Variants in FGF12 observed in about 807,000 individuals in gnomAD.
FGF12 encodes the protein fibroblast growth factor 12.
FGF12 carries 14 observed loss-of-function variants against 23.6 expected under a neutral mutation model. The observed-to-expected ratio is 0.59, with a 90% CI of 0.39 to 0.93. The LOEUF is 0.93. FGF12 is among the 40% of genes least tolerant of loss of function. FGF12 has a pLI of 0.00. For missense variants in FGF12, 175 were observed against 217.8 expected, an observed-to-expected ratio of 0.80 and a Z score of 1.24; for synonymous variants, 62 against 77.3, an observed-to-expected ratio of 0.80 and a Z score of 1.04.
At chr3:192,378,040 T>C (rs775307095) in intron 2 of FGF12, among the ~76,000 whole-genome samples, 2,896 of 77,192 alleles carry the variant, frequency 0.038, 220 homozygotes, top group South Asian at 0.1. Flanking sequence ...CTTTCTTTCT[T>C]TCTTTCTTTC....
intron 4 of FGF12, among the ~76,000 whole-genome samples, chr3:192,268,370 G>C (rs949563000): frequency 6.6e-6 from 1 of 152,158 alleles, no homozygotes; most frequent in Admixed American, 6.6e-5. Flanking sequence ...TGGAATAAGA[G>C]GTCATGTGGG....
chr3:192,176,866 A>C (rs1715890372), intron 4 of FGF12, among the ~76,000 whole-genome samples: 1 of 152,220 alleles, frequency 6.6e-6, no homozygotes, highest in Non-Finnish European at 1.5e-5. Flanking sequence ...ATTCAAGAAA[A>C]AATATTTTCC....
At chr3:192,655,743 A>C (rs566107903) in intron 2 of FGF12, among the ~76,000 whole-genome samples, 2 of 152,248 alleles carry the variant, frequency 1.3e-5, no homozygotes, top group Non-Finnish European at 2.9e-5. Flanking sequence ...TATGGCCTAG[A>C]AGAAGAAGAT....
At position 192,299,746 on chromosome 3, in the gene FGF12, G is replaced by C. The variant is rs573799147; in HGVS notation, c.228+35615C>G. On this transcript the variant is annotated intron_variant, in intron 4 of 5. Coordinates refer to ENST00000445105, the MANE Select transcript of FGF12 (RefSeq NM_004113.6). The stretch of plus-strand genomic sequence containing the variant: ...AGTTTACAATTTGAAGGGAGGACGA[G>C]TGACTCCAGACTATGAGGAGAACGA... 1.8e-4 allele frequency among the ~76,000 whole-genome samples: 28 copies of C among 152,238 alleles called. No individual in the cohort carries two copies. In the East Asian group the frequency reaches 2.1e-3, roughly 12 times the overall value.
At chr3:192,176,177 C>T (rs1425539734) in intron 4 of FGF12, among the ~76,000 whole-genome samples, 6 of 152,192 alleles carry the variant, frequency 3.9e-5, no homozygotes, top group Non-Finnish European at 1.5e-5. Flanking sequence ...ATGCTAATTT[C>T]TTGCAATGCC....
intron 2 of FGF12, among the ~76,000 whole-genome samples, chr3:192,410,991 A>T (rs1163299262): frequency 1.3e-5 from 2 of 152,206 alleles, no homozygotes; most frequent in Non-Finnish European, 2.9e-5. Context: ...TCTCCTTCAG[A>T]CACTTCACGA....
At chr3:192,470,497 T>C (rs1164196135) in intron 2 of FGF12, among the ~76,000 whole-genome samples, 4 of 152,208 alleles carry the variant, frequency 2.6e-5, no homozygotes, top group African/African-American at 9.6e-5. Context: ...CAAGTGATTC[T>C]CCTGCCTCGG....
intron 2 of FGF12, among the ~76,000 whole-genome samples, chr3:192,453,444 C>T (rs73889341): frequency 6.6e-6 from 1 of 151,746 alleles, no homozygotes; most frequent in Non-Finnish European, 1.5e-5. Flanking sequence ...AATGCCCCCC[C>T]CTTTTTAAAA....
In FGF12 at chr3:192,493,690, A is replaced by G. The variant is rs1157025848; in HGVS notation, c.14-133152T>C. On this transcript the variant is annotated intron_variant, in intron 2 of 5. Coordinates refer to ENST00000445105, the MANE Select transcript of FGF12 (RefSeq NM_004113.6). The stretch of plus-strand genomic sequence containing the variant: ...GGTAAAGGGGGAGCAAGTAATTCAC[A>G]CGGCCAGACCAGGAGGAAGAGAGAG... Among the ~76,000 whole-genome samples, 3 of 152,250 alleles carry G rather than the reference A, an allele frequency of 2.0e-5. No homozygotes were observed. In the East Asian group the frequency reaches 5.8e-4, roughly 29 times the overall value.
chr3:192,721,414 TATAAA>T (rs368350178), intron 2 of FGF12, among the ~76,000 whole-genome samples: 84 of 152,310 alleles, frequency 5.5e-4, no homozygotes, highest in African/African-American at 1.6e-3. Context: ...TTTTGTTATC[TATAAA>T]ATAAAGTTAA....
At position 192,244,389 on chromosome 3, in the gene FGF12, C is replaced by T. The variant is rs541511962; in HGVS notation, c.229-73733G>A. ...TACAGAAACTCCCTGTGTACTGATT[C>T]GGAATAATCTCCAAGAAATATTAAG... On this transcript the variant is annotated intron_variant, in intron 4 of 5. Coordinates refer to ENST00000445105, the MANE Select transcript of FGF12 (RefSeq NM_004113.6). Among the ~76,000 whole-genome samples, 5 of 152,104 alleles carry T rather than the reference C, an allele frequency of 3.3e-5. 1 individual carries two copies. Among genetic ancestry groups the T allele is most frequent in the South Asian group, 2.1e-4 (1 of 4,816 alleles).
In FGF12 at chr3:192,514,637, T is replaced by C. The variant is rs1577030309; in HGVS notation, c.14-154099A>G. 1 of 952,436 alleles carries C rather than the reference T, an allele frequency of 1.0e-6. No homozygotes were observed. Among genetic ancestry groups the C allele is most frequent in the Non-Finnish European group, 1.2e-6 (1 of 800,098 alleles). The allele number at this position is 952,436 out of a possible 1,614,324, so 59.0% of individuals were successfully genotyped here. ...AAGGGAAGGGGGCATTCTGCAGTGT[T>C]TGGGGGCTGGGGAAAGAACATTTTC... On this transcript the variant is annotated intron_variant, in intron 2 of 5. Coordinates refer to ENST00000445105, the MANE Select transcript of FGF12 (RefSeq NM_004113.6). The surrounding 1 kb of genome is among the most constrained non-coding windows in gnomAD (Gnocchi z 4.9).
intron 4 of FGF12, among the ~76,000 whole-genome samples, chr3:192,180,535 T>C (rs944013880): frequency 6.6e-6 from 1 of 152,216 alleles, no homozygotes; most frequent in Non-Finnish European, 1.5e-5. Context: ...TCTTCCTTTC[T>C]TGGGATAAGG....
At chr3:192,576,124 G>A (rs1388708756) in intron 2 of FGF12, among the ~76,000 whole-genome samples, 1 of 152,172 alleles carries the variant, frequency 6.6e-6, no homozygotes, top group Non-Finnish European at 1.5e-5. Flanking sequence ...ATTGAATGAT[G>A]TCTTTTCCAG....
chr3:192,542,004 T>C (rs977444083), intron 2 of FGF12, among the ~76,000 whole-genome samples: 35 of 151,758 alleles, frequency 2.3e-4, no homozygotes, highest in African/African-American at 8.5e-4. Flanking sequence ...GCTGGGACTA[T>C]AGGTGCACAT....
intron 2 of FGF12, among the ~76,000 whole-genome samples, chr3:192,444,419 T>TG (rs949006536): frequency 2.0e-5 from 3 of 152,174 alleles, no homozygotes; most frequent in African/African-American, 7.2e-5. Context: ...TTTGTCTTTT[T>TG]TTTTATCTTG....
At chr3:192,584,043 T>G (rs1211515555) in intron 2 of FGF12, among the ~76,000 whole-genome samples, 2 of 152,208 alleles carry the variant, frequency 1.3e-5, no homozygotes, top group African/African-American at 4.8e-5. Context: ...TTCCGGTATT[T>G]CTAAATTCAA....
intron 2 of FGF12, among the ~76,000 whole-genome samples, chr3:192,454,456 T>C (rs1722619935): frequency 6.6e-6 from 1 of 151,978 alleles, no homozygotes; most frequent in Non-Finnish European, 1.5e-5. Context: ...CTGGTACAAA[T>C]ACAGTCTAGA....
intron 2 of FGF12, among the ~76,000 whole-genome samples, chr3:192,523,498 C>A (rs1450043973): frequency 6.6e-6 from 1 of 152,146 alleles, no homozygotes; most frequent in African/African-American, 2.4e-5. Context: ...ACATGCCCTT[C>A]TGGAATTTCA....
Sources: gnomAD v4.1 joint callset for allele counts (sites outside exome capture counted in the v4.1 genomes callset) on GRCh38, gnomAD v4.1.1 for gene constraint, Gnocchi (gnomAD v3.1) non-coding constraint, MANE v1.5 for transcripts, NCBI Gene and HGNC (gene_info 2026-07-23, HGNC 2026-07-21) for gene names.